The following CSNK1A1 variants were observed in gnomAD, a reference collection of about 807,000 sequenced individuals.
CSNK1A1 encodes casein kinase 1 alpha 1.
A neutral mutation model predicts 46.1 loss-of-function variants in CSNK1A1; 7 were observed. The ratio of observed to expected loss-of-function variants is 0.15; its 90% CI spans 0.09 to 0.29. The LOEUF (loss-of-function observed/expected upper bound fraction) is 0.29, where lower values mean the gene tolerates loss of function less well. Ranked by LOEUF, CSNK1A1 falls within the 10% of genes least tolerant of loss-of-function variation. The probability of loss-of-function intolerance (pLI) is 1.00; values close to 1 mark genes in which losing one functional copy is unlikely to be tolerated. For synonymous variants in CSNK1A1, 137 were observed against 141.5 expected (o/e 0.97, Z 0.23); for missense variants, 96 against 417.1 (o/e 0.23, Z 6.71).
chr5:149,542,211 T>C (rs954547295), intron 2 of CSNK1A1, among the ~76,000 whole-genome samples: 1 of 151,872 alleles, frequency 6.6e-6, no homozygotes, highest in Admixed American at 6.6e-5. Flanking sequence ...GGGATCTAGG[T>C]TGTGCATTCC....
intron 7 of CSNK1A1, among the ~76,000 whole-genome samples, chr5:149,508,263 A>G (rs1761099819): frequency 6.6e-6 from 1 of 152,196 alleles, no homozygotes; most frequent in South Asian, 2.1e-4. Flanking sequence ...ACCACTTGAA[A>G]CATATACATA....
At chr5:149,529,781 A>C (rs1318036323) in intron 2 of CSNK1A1, 1 of 455,968 alleles carries the variant, frequency 2.2e-6, no homozygotes. Context: ...AAAATCAGTA[A>C]TTATTAGCCT....
intron 2 of CSNK1A1, among the ~76,000 whole-genome samples, chr5:149,528,143 G>A (rs1039451036): frequency 1.3e-5 from 2 of 152,152 alleles, no homozygotes; most frequent in African/African-American, 4.8e-5. Flanking sequence ...TAGATGAATT[G>A]AGAAGCACAC....
chr5:149,524,453 C>T (rs561725063), intron 3 of CSNK1A1, among the ~76,000 whole-genome samples: 1 of 152,050 alleles, frequency 6.6e-6, no homozygotes, highest in Non-Finnish European at 1.5e-5. Flanking sequence ...TTCTTAAGAT[C>T]GAAATATCCA....
intron 5 of CSNK1A1, among the ~76,000 whole-genome samples, chr5:149,512,118 A>G (rs1283232913): frequency 6.6e-6 from 1 of 152,132 alleles, no homozygotes; most frequent in Non-Finnish European, 1.5e-5. Flanking sequence ...TTAAAAGAAC[A>G]GAAACGATTT....
At chr5:149,505,285 TTAG>T in intron 9 of CSNK1A1, 159 bp downstream of exon 9, 5 of 1,412,756 alleles carry the variant, frequency 3.5e-6, no homozygotes, top group Non-Finnish European at 4.6e-6. Context: ...GGGTTTAAAG[TTAG>T]TAGTCAAATT....
intron 4 of CSNK1A1, among the ~76,000 whole-genome samples, chr5:149,514,651 T>C (rs1404003236): frequency 6.6e-6 from 1 of 152,174 alleles, no homozygotes; most frequent in East Asian, 1.9e-4. Context: ...TTCATGTCAA[T>C]AAATAAAGCA....
intron 2 of CSNK1A1, among the ~76,000 whole-genome samples, chr5:149,536,098 C>T (rs1167463288): frequency 6.6e-6 from 1 of 152,170 alleles, no homozygotes; most frequent in African/African-American, 2.4e-5. Flanking sequence ...GTATCACAGG[C>T]ACGCGCCACC....
At position 149,551,205 on chromosome 5, in the gene CSNK1A1, G is replaced by A; in HGVS notation, c.-241C>T. The stretch of plus-strand genomic sequence containing the variant: ...AGGGCTTCTCGGCGGTTACCAGGCT[G>A]GGCCACTTGTTTCTCGGCGGCCGCC... On this transcript the variant is annotated 5_prime_UTR_variant, in exon 1 of 10. Coordinates refer to ENST00000377843, the MANE Select transcript of CSNK1A1 (RefSeq NM_001892.6). 2.7e-6 allele frequency: 1 copy of A among 365,732 alleles called. No individual in the cohort carries two copies. Among genetic ancestry groups the A allele is most frequent in the Non-Finnish European group, 5.0e-6 (1 of 200,084 alleles). 22.7% of individuals were successfully genotyped at this position (365,732 alleles called of 1,614,324 possible). A position where few individuals can be genotyped will look rare whatever the true frequency, so the allele number is the denominator to read the frequency against.
intron 7 of CSNK1A1, among the ~76,000 whole-genome samples, chr5:149,508,641 G>A (rs1382418556): frequency 2.0e-5 from 3 of 152,314 alleles, no homozygotes; most frequent in South Asian, 4.1e-4. Flanking sequence ...CTGTATTCCT[G>A]TATTGTTGGA....
rs1440776217 is a variant in CSNK1A1, at chr5:149,495,807, ACT to A, written c.*1044_*1045del. On this transcript the variant is annotated 3_prime_UTR_variant, in exon 10 of 10. Coordinates refer to ENST00000377843, the MANE Select transcript of CSNK1A1 (RefSeq NM_001892.6). ...CCTTTCCCCTTCAGACAAAAGAATT[ACT>A]TTTTTCATTTTTCTTAAAAAAAGAG... The A allele has an allele frequency of 6.6e-6, 1 of 152,252 alleles. No individual in the cohort carries two copies. Among genetic ancestry groups the A allele is most frequent in the Admixed American group, 6.6e-5 (1 of 15,232 alleles). The allele number at this position is 152,252 out of a possible 1,614,324, so 9.4% of individuals were successfully genotyped here.
In CSNK1A1 at chr5:149,495,744, TAAAAAAAAAAA is replaced by T. The variant is rs149346325; in HGVS notation, c.*1098_*1108del. On this transcript the variant is annotated 3_prime_UTR_variant, in exon 10 of 10. Coordinates refer to ENST00000377843, the MANE Select transcript of CSNK1A1 (RefSeq NM_001892.6). ...TACTAGATATTGTGCCTGCAAGTCA[TAAAAAAAAAAA>T]AAAAAAAAGAAAAAAATGAAAGAAT... 1 of 92,770 alleles carries T rather than the reference TAAAAAAAAAAA, an allele frequency of 1.1e-5. No individual in the cohort carries two copies. The highest frequency in any genetic ancestry group is 3.1e-4 in the East Asian group (1 of 3,228). 5.7% of individuals were successfully genotyped at this position (92,770 alleles called of 1,614,324 possible). A position where few individuals can be genotyped will look rare whatever the true frequency, so the allele number is the denominator to read the frequency against.
chr5:149,550,369 C>G lies in CSNK1A1; in HGVS notation c.124-188G>C, dbSNP rs772340228. 2.7e-5 allele frequency: 37 copies of G among 1,388,436 alleles called. No homozygotes were observed. The highest frequency in any genetic ancestry group is 3.4e-5 in the Non-Finnish European group (37 of 1,073,610). The allele number at this position is 1,388,436 out of a possible 1,614,324, so 86.0% of individuals were successfully genotyped here. ...CAAAGGCCTCTTCAGGGGGTAGTGA[C>G]GAAATCCGTACGTCCTCTAAAGTGC... is the stretch of plus-strand genomic sequence containing the variant. On this transcript the variant is annotated intron_variant, in intron 1 of 9. Coordinates refer to ENST00000377843, the MANE Select transcript of CSNK1A1 (RefSeq NM_001892.6). This position sits in a 1 kb window ranked among gnomAD's most constrained non-coding sequence, Gnocchi z 4.3.
At chr5:149,510,632 C>G (rs555450015) in intron 6 of CSNK1A1, among the ~76,000 whole-genome samples, 1 of 151,984 alleles carries the variant, frequency 6.6e-6, no homozygotes, top group African/African-American at 2.4e-5. Context: ...GCATGTGACA[C>G]TACACCCTGC....
intron 2 of CSNK1A1, among the ~76,000 whole-genome samples, chr5:149,543,453 A>G (rs528175756): frequency 6.6e-6 from 1 of 151,880 alleles, no homozygotes; most frequent in Non-Finnish European, 1.5e-5. Context: ...GTTAAAAAGC[A>G]CATTTCTCGT....
intron 2 of CSNK1A1, among the ~76,000 whole-genome samples, chr5:149,535,743 G>A (rs575687296): frequency 6.6e-6 from 1 of 152,274 alleles, no homozygotes; most frequent in East Asian, 1.9e-4. Flanking sequence ...CCAGATTCAA[G>A]CGATTCTCCT....
chr5:149,539,244 T>C (rs561199215), intron 2 of CSNK1A1, among the ~76,000 whole-genome samples: 25 of 152,198 alleles, frequency 1.6e-4, no homozygotes, highest in East Asian at 5.8e-4. Flanking sequence ...AGAGGAAATA[T>C]ATAAATTAAG....
chr5:149,519,634 A>ACAC (rs1761507407), intron 4 of CSNK1A1, among the ~76,000 whole-genome samples: 1 of 152,170 alleles, frequency 6.6e-6, no homozygotes, highest in Non-Finnish European at 1.5e-5. Flanking sequence ...CCCCAAATGA[A>ACAC]CACTAGTTTT....
intron 3 of CSNK1A1, among the ~76,000 whole-genome samples, chr5:149,523,045 C>CT (rs35068425): frequency 0.37 from 53,617 of 145,404 alleles, 11,291 homozygotes; most frequent in East Asian, 0.69. Flanking sequence ...ATATTAAAGG[C>CT]TTTTTTTTTT....
Sources: allele counts gnomAD v4.1 joint callset (sites outside exome capture counted in the v4.1 genomes callset), GRCh38; gene constraint gnomAD v4.1.1; non-coding constraint Gnocchi (gnomAD v3.1); transcripts MANE v1.5; gene names NCBI Gene and HGNC (gene_info 2026-07-23, HGNC 2026-07-21).